The following GUCY1A2 variants were observed in gnomAD, a reference collection of about 807,000 sequenced individuals.
The protein encoded by GUCY1A2 is guanylate cyclase soluble subunit alpha-2.
A neutral mutation model predicts 63.5 loss-of-function variants in GUCY1A2; 27 were observed. The observed-to-expected ratio is 0.43, with a 90% CI of 0.31 to 0.59. The LOEUF (loss-of-function observed/expected upper bound fraction) is 0.59. Among genes scored for constraint, GUCY1A2 ranks in the 20% least tolerant of loss-of-function variants. The pLI is 0.11. For missense variants in GUCY1A2, 768 were observed against 913.3 expected (o/e 0.84, Z 2.05); for synonymous variants, 364 against 343.5 (o/e 1.06, Z -0.66).
chr11:106,682,711 A>G lies in GUCY1A2; in HGVS notation c.*4838T>C. 9.5e-6 allele frequency: 2 copies of G among 211,154 alleles called. No individual in the cohort carries two copies. The highest frequency in any genetic ancestry group is 1.9e-5 in the Non-Finnish European group (2 of 103,930). 13.1% of individuals were successfully genotyped at this position (211,154 alleles called of 1,614,324 possible). ...AATAAACACAGATGCATACACACAAACTAAAAATATTAATCACTTTATAAA... is the reference window on the plus strand; with the variant it reads ...AATAAACACAGATGCATACACACAAGCTAAAAATATTAATCACTTTATAAA... On this transcript the variant is annotated 3_prime_UTR_variant, in exon 8 of 8. Coordinates refer to ENST00000526355, the MANE Select transcript of GUCY1A2 (RefSeq NM_000855.3).
At chr11:106,884,771 C>G (rs533847812) in intron 4 of GUCY1A2, among the ~76,000 whole-genome samples, 9 of 152,024 alleles carry the variant, frequency 5.9e-5, no homozygotes, top group Admixed American at 1.3e-4. Context: ...ATTTTTAACC[C>G]ATTTAAAAAC....
At chr11:106,806,158 G>A (rs932593153) in intron 5 of GUCY1A2, among the ~76,000 whole-genome samples, 2 of 152,076 alleles carry the variant, frequency 1.3e-5, no homozygotes, top group African/African-American at 4.8e-5. Context: ...ACACCTGTCT[G>A]AGAAGTTCTA....
At chr11:106,976,687 C>T (rs1195999223) in intron 3 of GUCY1A2, among the ~76,000 whole-genome samples, 1 of 152,150 alleles carries the variant, frequency 6.6e-6, no homozygotes, top group Non-Finnish European at 1.5e-5. Flanking sequence ...ATCTTGAAAA[C>T]AACCTATCAT....
At chr11:106,795,533 T>C (rs1414777285) in intron 5 of GUCY1A2, among the ~76,000 whole-genome samples, 3 of 152,186 alleles carry the variant, frequency 2.0e-5, no homozygotes, top group Admixed American at 2.0e-4. Flanking sequence ...CCAACACATG[T>C]GCACCTATGC....
intron 4 of GUCY1A2, among the ~76,000 whole-genome samples, chr11:106,871,500 A>T (rs1859677617): frequency 6.6e-6 from 1 of 152,084 alleles, no homozygotes; most frequent in African/African-American, 2.4e-5. Flanking sequence ...CTATGCTTTC[A>T]GACATGTGAC....
Position 107,018,087 on chromosome 11 carries a change from TGGCGGCGAGGACGCGAGCGGCGGCGGA to T in GUCY1A2, c.-59_-33del, listed in dbSNP as rs763140292. ...GGCGGAGCTGCAGCGGCCGAGGCGG[TGGCGGCGAGGACGCGAGCGGCGGCGGA>T]GGCGGCGGTGGCGGGACCGGCAAGC... On this transcript the variant is annotated 5_prime_UTR_variant, in exon 1 of 8. Transcript: ENST00000526355. The T allele has an allele frequency of 3.6e-6, 5 of 1,390,992 alleles. No individual in the cohort carries two copies. In the South Asian group the frequency reaches 4.5e-5, roughly 13 times the overall value. The allele number at this position is 1,390,992 out of a possible 1,614,324, so 86.2% of individuals were successfully genotyped here.
In GUCY1A2 at chr11:106,767,713, CTCTG is replaced by C. The variant is rs149405393; in HGVS notation, c.1836+8722_1836+8725del. Among the ~76,000 whole-genome samples the C allele has an allele frequency of 8.1e-3, 1,236 of 152,116 alleles. 20 individuals are homozygous for C. The highest frequency in any genetic ancestry group is 0.027 in the African/African-American group (1,103 of 41,510). On this transcript the variant is annotated intron_variant, in intron 6 of 7. Coordinates refer to ENST00000526355, the MANE Select transcript of GUCY1A2 (RefSeq NM_000855.3). ...GAGGAATTGTAAGGTATTAAGGATG[CTCTG>C]TCTATTGAAGTTCAGCACTATAGCA...
intron 4 of GUCY1A2, among the ~76,000 whole-genome samples, chr11:106,902,088 A>G (rs1379658545): frequency 6.6e-6 from 1 of 152,204 alleles, no homozygotes; most frequent in Non-Finnish European, 1.5e-5. Flanking sequence ...TAACTCCTTG[A>G]TCCATGGGCT....
chr11:106,749,084 A>G (rs576001540), intron 6 of GUCY1A2, among the ~76,000 whole-genome samples: 1 of 152,136 alleles, frequency 6.6e-6, no homozygotes. Context: ...AATACTTACC[A>G]TCATGTTACA....
intron 6 of GUCY1A2, among the ~76,000 whole-genome samples, chr11:106,721,013 TTA>T (rs1217271670): frequency 1.3e-5 from 2 of 152,072 alleles, no homozygotes; most frequent in African/African-American, 4.8e-5. Context: ...AAAAATTTAT[TTA>T]AAAATGTAAG....
At chr11:106,822,499 G>C (rs917709784) in intron 4 of GUCY1A2, among the ~76,000 whole-genome samples, 2 of 151,964 alleles carry the variant, frequency 1.3e-5, no homozygotes, top group Non-Finnish European at 2.9e-5. Context: ...GTAGTTTTTC[G>C]ACCCTCACCC....
chr11:106,855,914 T>A (rs1430089018), intron 4 of GUCY1A2, among the ~76,000 whole-genome samples: 1 of 82,092 alleles, frequency 1.2e-5, no homozygotes, highest in East Asian at 5.5e-4. Context: ...TATTTATTTA[T>A]TTATTTATTT....
rs563756709 is a variant in GUCY1A2, at chr11:106,709,170, TAA to T, written c.1837-506_1837-505del. ...ATTATATACATGTATATAATATATA[TAA>T]CTATATATTATATATAACTATATAT... On this transcript the variant is annotated intron_variant, in intron 6 of 7. Transcript: ENST00000526355. Among the ~76,000 whole-genome samples, 951 of 129,228 alleles carry T rather than the reference TAA, an allele frequency of 7.4e-3. 8 individuals are homozygous for T. The highest frequency in any genetic ancestry group is 0.026 in the African/African-American group (912 of 35,064). 84.8% of individuals were successfully genotyped at this position (129,228 alleles called of 152,430 possible). A position where few individuals can be genotyped will look rare whatever the true frequency, so the allele number is the denominator to read the frequency against.
At chr11:107,009,160 G>A (rs953177160) in intron 1 of GUCY1A2, among the ~76,000 whole-genome samples, 5 of 152,094 alleles carry the variant, frequency 3.3e-5, no homozygotes, top group Non-Finnish European at 4.4e-5. Context: ...CTGAATGAAC[G>A]GCTAAGGATG....
intron 4 of GUCY1A2, chr11:106,823,957 A>C: frequency 1.9e-6 from 1 of 523,110 alleles, no homozygotes; most frequent in Non-Finnish European, 3.2e-6. Flanking sequence ...ATTTCAAGTC[A>C]ATGTATTAAA....
intron 4 of GUCY1A2, among the ~76,000 whole-genome samples, chr11:106,828,391 A>G (rs1339884411): frequency 6.6e-6 from 1 of 151,956 alleles, no homozygotes; most frequent in Non-Finnish European, 1.5e-5. Flanking sequence ...GAGAGATAGG[A>G]GTTCAGTTGT....
chr11:106,880,303 T>A (rs1859806088), intron 4 of GUCY1A2, among the ~76,000 whole-genome samples: 1 of 151,896 alleles, frequency 6.6e-6, no homozygotes, highest in Non-Finnish European at 1.5e-5. Flanking sequence ...TACAGGGAGA[T>A]TAAGGCCTTT....
intron 6 of GUCY1A2, among the ~76,000 whole-genome samples, chr11:106,761,894 T>C (rs747924767): frequency 2.0e-5 from 3 of 152,140 alleles, no homozygotes; most frequent in Admixed American, 6.6e-5. Context: ...TGTTTGGATA[T>C]AGTGTGCTAC....
intron 5 of GUCY1A2, among the ~76,000 whole-genome samples, chr11:106,795,250 G>C (rs1262927472): frequency 1.3e-5 from 2 of 152,026 alleles, no homozygotes; most frequent in Non-Finnish European, 2.9e-5. Flanking sequence ...CACTGTCATA[G>C]GCAACTACAA....
Sources: allele counts gnomAD v4.1 joint callset (sites outside exome capture counted in the v4.1 genomes callset), GRCh38; gene constraint gnomAD v4.1.1; transcripts MANE v1.5; gene names NCBI Gene and HGNC (gene_info 2026-07-23, HGNC 2026-07-21).